Variants in CACNA1E observed in about 807,000 individuals in gnomAD.
CACNA1E encodes the protein calcium voltage-gated channel subunit alpha1 E, also known as voltage-dependent R-type calcium channel subunit alpha-1E.
A neutral mutation model predicts 259.2 loss-of-function variants in CACNA1E; 40 were observed. The ratio of observed to expected loss-of-function variants is 0.15; its 90% confidence interval spans 0.12 to 0.20. The LOEUF (loss-of-function observed/expected upper bound fraction) is 0.20, where lower values mean the gene tolerates loss of function less well. Ranked by LOEUF, CACNA1E falls within the 10% of genes least tolerant of loss-of-function variation. The pLI, the probability that CACNA1E is intolerant of heterozygous loss-of-function variation, is 1.00. For synonymous variants in CACNA1E, 1,104 were observed against 1,138.5 expected, an observed-to-expected ratio of 0.97 and a Z score of 0.61; for missense variants, 1,874 against 3,040.1, an observed-to-expected ratio of 0.62 and a Z score of 9.02.
At chr1:181,797,508 G>A (rs1224535846) in intron 47 of CACNA1E, among the ~76,000 whole-genome samples, 1 of 152,164 alleles carries the variant, frequency 6.6e-6, no homozygotes, top group South Asian at 2.1e-4. Context: ...CACAGCAGTC[G>A]AGAGGTTTCC....
intron 33 of CACNA1E, 64 bp downstream of exon 33, chr1:181,762,721 C>G: frequency 1.1e-6 from 1 of 926,326 alleles, no homozygotes; most frequent in South Asian, 1.4e-5. Context: ...TAAAACTCCT[C>G]TGTATATTCA....
intron 3 of CACNA1E, among the ~76,000 whole-genome samples, chr1:181,526,490 A>G (rs1667369854): frequency 6.6e-6 from 1 of 152,108 alleles, no homozygotes; most frequent in Admixed American, 6.6e-5. Context: ...TGGATGTCAA[A>G]ATCCATCCAA....
In CACNA1E at chr1:181,483,752, G is replaced by C; in HGVS notation, c.8G>C (p.Arg3Pro). Residue 3 changes from arginine to proline, a missense_variant, in exon 1 of 48, where the codon CGC becomes CCC. Arg to Pro is a moderately radical substitution (Grantham distance 103). Around this residue, in one of 14 missense-constraint regions of CACNA1E, gnomAD observed 110 missense variants for 122.8 expected, o/e 0.90. Transcript: ENST00000367573. MA[R>P]FGEAVVARPG... ...GTCTGTTTAAACCTCAGGATGGCTC[G>C]CTTCGGGGAGGCGGTGGTCGCCAGG... 6.2e-7 allele frequency: 1 copy of C among 1,608,274 alleles called. No homozygotes were observed. Among genetic ancestry groups the C allele is most frequent in the Non-Finnish European group, 8.5e-7 (1 of 1,177,432 alleles).
intron 3 of CACNA1E, among the ~76,000 whole-genome samples, chr1:181,532,516 GTTGCACC>G: frequency 6.6e-6 from 1 of 152,246 alleles, no homozygotes; most frequent in African/African-American, 2.4e-5. Context: ...GGCAGAGCAC[GTTGCACC>G]TGATCTTTCT....
chr1:181,774,771 T>A (rs1422711647), intron 37 of CACNA1E, among the ~76,000 whole-genome samples: 1 of 152,262 alleles, frequency 6.6e-6, no homozygotes, highest in South Asian at 2.1e-4. Context: ...CCTGTCTGCA[T>A]ATCTGGCACC....
intron 1 of CACNA1E, among the ~76,000 whole-genome samples, chr1:181,509,988 G>A (rs1666028470): frequency 6.6e-6 from 1 of 152,208 alleles, no homozygotes; most frequent in Non-Finnish European, 1.5e-5. Flanking sequence ...CTAGAAGAGA[G>A]GACTCCAGTT....
chr1:181,733,683 C>T lies in CACNA1E; in HGVS notation c.3195C>T (p.Thr1065=), dbSNP rs763095520. The part of the protein sequence containing the change: ...CITANTDKAT[T]ESTSVTVAIP... ...CGGCCAACACGGACAAGGCCACCACCGAGAGCACCAGCGTCACCGTCGCCA... is the reference window on the plus strand; with the variant it reads ...CGGCCAACACGGACAAGGCCACCACTGAGAGCACCAGCGTCACCGTCGCCA... Residue 1065 remains threonine (T), a synonymous_variant, in exon 21 of 48, where the codon ACC becomes ACT. Coordinates refer to ENST00000367573, the MANE Select transcript of CACNA1E (RefSeq NM_001205293.3). The T allele has an allele frequency of 1.7e-5, 27 of 1,605,702 alleles. No individual in the cohort carries two copies. The highest frequency in any genetic ancestry group is 1.7e-4 in the Middle Eastern group (1 of 6,010).
chr1:181,672,020 TGTG>T (rs1648854693), intron 7 of CACNA1E, among the ~76,000 whole-genome samples: 1 of 152,092 alleles, frequency 6.6e-6, no homozygotes, highest in Non-Finnish European at 1.5e-5. Context: ...ATAAAGAAAA[TGTG>T]GTACATATAC....
chr1:181,643,378 G>A (rs1238496738), intron 6 of CACNA1E, among the ~76,000 whole-genome samples: 1 of 152,240 alleles, frequency 6.6e-6, no homozygotes, highest in Non-Finnish European at 1.5e-5. Context: ...AAGCACAGCA[G>A]GACCCTGAGC....
At position 181,805,059 on chromosome 1, in the gene CACNA1E, C is replaced by T. The variant is rs1034934339; in HGVS notation, c.*6225C>T. On this transcript the variant is annotated 3_prime_UTR_variant, in exon 48 of 48. Coordinates refer to ENST00000367573, the MANE Select transcript of CACNA1E (RefSeq NM_001205293.3). ...ATTGTCACCCAGACATATTCTCCAACCCAGCATTGGAAATCTGAACGAATC... is the reference window on the plus strand; with the variant it reads ...ATTGTCACCCAGACATATTCTCCAATCCAGCATTGGAAATCTGAACGAATC... 1.3e-5 allele frequency: 2 copies of T among 151,948 alleles called. No homozygotes were observed. Among genetic ancestry groups the T allele is most frequent in the African/African-American group, 4.8e-5 (2 of 41,384 alleles). 9.4% of individuals were successfully genotyped at this position (151,948 alleles called of 1,614,324 possible).
At chr1:181,508,334 ACTCT>A (rs1425531805) in intron 1 of CACNA1E, among the ~76,000 whole-genome samples, 1 of 151,450 alleles carries the variant, frequency 6.6e-6, no homozygotes, top group Non-Finnish European at 1.5e-5. Flanking sequence ...TAGGAATACC[ACTCT>A]CAACGCTCTC....
intron 3 of CACNA1E, among the ~76,000 whole-genome samples, chr1:181,535,569 C>T (rs1668104631): frequency 6.6e-6 from 1 of 152,086 alleles, no homozygotes; most frequent in African/African-American, 2.4e-5. Flanking sequence ...CACATACATA[C>T]ATATGTAATA....
At position 181,776,567 on chromosome 1, in the gene CACNA1E, G is replaced by T. The variant is rs190742278; in HGVS notation, c.5267+339G>T. Among the ~76,000 whole-genome samples the T allele has an allele frequency of 6.6e-6, 1 of 152,366 alleles. No homozygotes were observed. The highest frequency in any genetic ancestry group is 6.5e-5 in the Admixed American group (1 of 15,314). On this transcript the variant is annotated intron_variant, in intron 38 of 47. Transcript: ENST00000367573. The surrounding 1 kb of genome is among the most constrained non-coding windows in gnomAD (Gnocchi z 4.4). ...GTTAGTGGACTCCTTTGAGTTATCA[G>T]GGGGTTTGACAAGGGTTTTTGGCCA... is the stretch of plus-strand genomic sequence containing the variant.
At chr1:181,650,458 G>C (rs1658655713) in intron 6 of CACNA1E, among the ~76,000 whole-genome samples, 1 of 152,164 alleles carries the variant, frequency 6.6e-6, no homozygotes, top group Non-Finnish European at 1.5e-5. Flanking sequence ...AATTCAGAAA[G>C]ACTATTTGGA....
rs1234842625 is a variant in CACNA1E at position 181,569,834 on chromosome 1, G to A, written c.513-7932G>A. Among the ~76,000 whole-genome samples the A allele has an allele frequency of 4.6e-5, 7 of 152,322 alleles. No individual in the cohort carries two copies. The East Asian group carries it at 1.2e-3, about 25-fold the overall frequency. ...CATAGTGTGTGGAAATGGGAAAGAT[G>A]GTTTCTGCCATCAGGGAGCTGGTTT... is the stretch of plus-strand genomic sequence containing the variant. On this transcript the variant is annotated intron_variant, in intron 3 of 47. Transcript: ENST00000367573.
chr1:181,440,678 C>T (rs1487091838), intron 2 of CACNA1E, among the ~76,000 whole-genome samples: 2 of 152,120 alleles, frequency 1.3e-5, no homozygotes, highest in Non-Finnish European at 2.9e-5. Flanking sequence ...AGATGCCCAG[C>T]TTGGCTGGAC....
At chr1:181,634,915 GCT>G (rs1657070763) in intron 6 of CACNA1E, among the ~76,000 whole-genome samples, 1 of 152,118 alleles carries the variant, frequency 6.6e-6, no homozygotes, top group Non-Finnish European at 1.5e-5. Context: ...TCTACGATGG[GCT>G]CTCTCTCCTT....
intron 7 of CACNA1E, among the ~76,000 whole-genome samples, chr1:181,673,024 T>C (rs1648965565): frequency 6.6e-6 from 1 of 151,504 alleles, no homozygotes; most frequent in African/African-American, 2.4e-5. Flanking sequence ...AGTGAGAAAA[T>C]TGAGGCAGAG....
At chr1:181,786,676 C>T (rs1262067258) in intron 43 of CACNA1E, among the ~76,000 whole-genome samples, 1 of 152,192 alleles carries the variant, frequency 6.6e-6, no homozygotes, top group Admixed American at 6.5e-5. Context: ...ACCTAAAGAA[C>T]ACAAGTATTT....
Sources: gnomAD v4.1 joint callset for allele counts (sites outside exome capture counted in the v4.1 genomes callset) on GRCh38, gnomAD v4.1.1 for gene constraint, gnomAD v4.1.1 regional missense constraint, Gnocchi (gnomAD v3.1) non-coding constraint, MANE v1.5 for transcripts, NCBI Gene and HGNC (gene_info 2026-07-23, HGNC 2026-07-21) for gene names.